The following EYS variants were observed in gnomAD, a reference collection of about 807,000 sequenced individuals.
EYS encodes the protein EGF-like photoreceptor maintenance factor.
EYS carries 250 observed loss-of-function variants against 282.1 expected under a neutral mutation model. That is an observed-to-expected ratio of 0.89 (90% CI 0.80 to 0.98). The LOEUF is 0.98. Ranked by LOEUF, EYS falls within the 50% of genes least tolerant of loss-of-function variation. EYS has a pLI of 0.00. For synonymous variants in EYS, 1,355 were observed against 1,282.9 expected, an observed-to-expected ratio of 1.06 and a Z score of -1.20; for missense variants, 4,016 against 3,709.0, an observed-to-expected ratio of 1.08 and a Z score of -2.15.
chr6:64,309,803 A>G (rs1769604916), intron 29 of EYS, among the ~76,000 whole-genome samples: 2 of 151,988 alleles, frequency 1.3e-5, no homozygotes, highest in Non-Finnish European at 2.9e-5. Flanking sequence ...TGTCTCAACT[A>G]AAAATACAAA....
intron 22 of EYS, among the ~76,000 whole-genome samples, chr6:64,735,053 C>T (rs1772139443): frequency 1.3e-5 from 2 of 152,216 alleles, no homozygotes; most frequent in Middle Eastern, 3.4e-3. Context: ...GTCTAAATGA[C>T]TTACTTTATG....
intron 33 of EYS, among the ~76,000 whole-genome samples, chr6:64,034,173 C>G (rs1770001453): frequency 6.6e-6 from 1 of 151,936 alleles, no homozygotes; most frequent in Non-Finnish European, 1.5e-5. Flanking sequence ...TTAAAACAAA[C>G]AAACAAAAAT....
chr6:65,411,816 T>C (rs1767026399), intron 5 of EYS, among the ~76,000 whole-genome samples: 1 of 137,404 alleles, frequency 7.3e-6, no homozygotes. Context: ...CCAATACGTC[T>C]TTTTTTTTTT....
chr6:65,229,495 T>A (rs561285306), intron 12 of EYS, among the ~76,000 whole-genome samples: 1 of 151,566 alleles, frequency 6.6e-6, no homozygotes, highest in African/African-American at 2.4e-5. Flanking sequence ...GAAAATAACA[T>A]GTACTATTAA....
At chr6:64,233,341 G>C (rs1043696273) in intron 30 of EYS, among the ~76,000 whole-genome samples, 3 of 151,908 alleles carry the variant, frequency 2.0e-5, no homozygotes, top group Admixed American at 6.6e-5. Flanking sequence ...TTTATTTTTG[G>C]AAGTTATAGA....
chr6:63,892,547 A>G (rs987753086), intron 35 of EYS, among the ~76,000 whole-genome samples: 1 of 152,124 alleles, frequency 6.6e-6, no homozygotes, highest in Non-Finnish European at 1.5e-5. Flanking sequence ...CTGAAACTGG[A>G]CCCCTTCCTT....
intron 12 of EYS, among the ~76,000 whole-genome samples, chr6:65,091,194 G>A (rs1192282690): frequency 1.3e-5 from 2 of 150,432 alleles, no homozygotes; most frequent in Admixed American, 1.3e-4. Flanking sequence ...AGCACTTTGG[G>A]AGGCCGAGGT....
intron 28 of EYS, among the ~76,000 whole-genome samples, chr6:64,427,145 T>C (rs1314732159): frequency 6.6e-6 from 1 of 152,158 alleles, no homozygotes; most frequent in Non-Finnish European, 1.5e-5. Flanking sequence ...TTAGTTCCCT[T>C]AAAAAATAAA....
intron 2 of EYS, among the ~76,000 whole-genome samples, chr6:65,621,168 C>T (rs369680696): frequency 1.1e-4 from 16 of 152,060 alleles, no homozygotes; most frequent in East Asian, 9.7e-4. Flanking sequence ...AAGTCTCCCA[C>T]TATTAATGTG....
chr6:64,953,056 A>T, intron 14 of EYS, among the ~76,000 whole-genome samples: 1 of 152,064 alleles, frequency 6.6e-6, no homozygotes, highest in East Asian at 1.9e-4. Flanking sequence ...AGACTTTTTT[A>T]AAAGAATTCA....
At chr6:64,593,400 T>C in intron 24 of EYS, 91 bp from the exon 25 acceptor site, 1 of 925,360 alleles carries the variant, frequency 1.1e-6, no homozygotes, top group Non-Finnish European at 1.6e-6. Context: ...CATTTGCATT[T>C]CCATAGACAT....
At chr6:64,588,829 C>T (rs1364239911) in intron 26 of EYS, among the ~76,000 whole-genome samples, 1 of 151,014 alleles carries the variant, frequency 6.6e-6, no homozygotes, top group African/African-American at 2.4e-5. Flanking sequence ...ATTATAATGA[C>T]TAAATGACTA....
At chr6:64,304,713 G>T (rs1472498701) in intron 30 of EYS, among the ~76,000 whole-genome samples, 2 of 152,060 alleles carry the variant, frequency 1.3e-5, no homozygotes, top group Non-Finnish European at 2.9e-5. Context: ...ATCAAAAACA[G>T]AAGTAAAACC....
chr6:64,200,605 A>G (rs1289342735), intron 31 of EYS, among the ~76,000 whole-genome samples: 1 of 152,186 alleles, frequency 6.6e-6, no homozygotes, highest in Non-Finnish European at 1.5e-5. Flanking sequence ...TGTCAGACTC[A>G]GAGTTCATTA....
At chr6:64,905,134 A>G (rs575239399) in intron 16 of EYS, among the ~76,000 whole-genome samples, 1 of 152,332 alleles carries the variant, frequency 6.6e-6, no homozygotes, top group Non-Finnish European at 1.5e-5. Context: ...TATCTCATCT[A>G]GGTTTGTGTT....
At chr6:64,104,195 C>G (rs1325905378) in intron 31 of EYS, among the ~76,000 whole-genome samples, 1 of 152,000 alleles carries the variant, frequency 6.6e-6, no homozygotes, top group Admixed American at 6.6e-5. Context: ...AATCTGATAT[C>G]AAGTTGGGTA....
chr6:64,602,744 T>G (rs1766801558), intron 24 of EYS, among the ~76,000 whole-genome samples: 1 of 152,072 alleles, frequency 6.6e-6, no homozygotes, highest in Non-Finnish European at 1.5e-5. Flanking sequence ...AAGAAACATT[T>G]TCCCCCTTTT....
intron 2 of EYS, among the ~76,000 whole-genome samples, chr6:65,559,095 A>C (rs1352398782): frequency 6.6e-6 from 1 of 152,242 alleles, no homozygotes; most frequent in African/African-American, 2.4e-5. Flanking sequence ...GGCCAGGTGC[A>C]GTGGCTCATG....
chr6:65,514,160 G>A (rs919526929), intron 2 of EYS, among the ~76,000 whole-genome samples: 44 of 152,004 alleles, frequency 2.9e-4, no homozygotes, highest in African/African-American at 9.9e-4. Context: ...GACAAACAGA[G>A]CCAAATCATG....
Sources: gnomAD v4.1 joint callset for allele counts (sites outside exome capture counted in the v4.1 genomes callset) on GRCh38, gnomAD v4.1.1 for gene constraint, MANE v1.5 for transcripts, NCBI Gene and HGNC (gene_info 2026-07-23, HGNC 2026-07-21) for gene names.